The following KCTD1 variants were observed in gnomAD, a reference collection of about 807,000 sequenced individuals.
KCTD1 encodes the protein BTB/POZ domain-containing protein KCTD1.
KCTD1 carries 24 observed loss-of-function variants against 66.0 expected under a neutral mutation model. That is an observed-to-expected ratio of 0.36 (90% CI 0.26 to 0.51). KCTD1 has a LOEUF of 0.51. Among genes scored for constraint, KCTD1 ranks in the 20% least tolerant of loss-of-function variants. The pLI is 0.95. For missense variants in KCTD1, 943 were observed against 1,205.2 expected, an observed-to-expected ratio of 0.78 and a Z score of 3.22; for synonymous variants, 511 against 517.2, an observed-to-expected ratio of 0.99 and a Z score of 0.16.
At chr18:26,536,948 A>AT (rs916333510) in intron 1 of KCTD1, among the ~76,000 whole-genome samples, 121 of 151,886 alleles carry the variant, frequency 8.0e-4, no homozygotes, top group African/African-American at 2.8e-3. Flanking sequence ...CACGAGACAC[A>AT]TTCCTGGATC....
At chr18:26,538,541 G>A (rs1984818328) in intron 1 of KCTD1, among the ~76,000 whole-genome samples, 1 of 152,086 alleles carries the variant, frequency 6.6e-6, no homozygotes, top group Non-Finnish European at 1.5e-5. Context: ...CAACAGAGGG[G>A]CCCCCGGTGC....
chr18:26,467,938 TAC>T (rs1207672853), intron 3 of KCTD1, among the ~76,000 whole-genome samples: 3 of 152,128 alleles, frequency 2.0e-5, no homozygotes, highest in African/African-American at 4.8e-5. Context: ...ATGGTGGACA[TAC>T]AGACAGACCA....
chr18:26,620,947 C>T (rs1196217220), intron 1 of KCTD1, among the ~76,000 whole-genome samples: 1 of 151,784 alleles, frequency 6.6e-6, no homozygotes. Flanking sequence ...ATTCTCCTGC[C>T]TCAGCCTCCC....
At chr18:26,596,529 C>T (rs115547351) in intron 1 of KCTD1, among the ~76,000 whole-genome samples, 2,190 of 152,272 alleles carry the variant, frequency 0.014, 52 homozygotes, top group African/African-American at 0.05. Context: ...CTCATGTGTA[C>T]CTGGCAAGGG....
At chr18:26,467,123 T>A (rs1980775935) in intron 3 of KCTD1, among the ~76,000 whole-genome samples, 1 of 150,942 alleles carries the variant, frequency 6.6e-6, no homozygotes, top group Admixed American at 6.6e-5. Flanking sequence ...GGTGGGAACA[T>A]ACGGTATAGT....
upstream of KCTD1, among the ~76,000 whole-genome samples, chr18:26,629,941 T>C (rs1987582315): frequency 6.6e-6 from 1 of 152,086 alleles, no homozygotes; most frequent in Non-Finnish European, 1.5e-5. Flanking sequence ...TGGTTCTAAC[T>C]CCTGGAGCTT....
rs1354938668 is a variant in KCTD1, at chr18:26,547,438, C to A, written c.1099G>T (p.Ala367Ser). ...AAGTTCTCCTCGTCGCTGCTCTCGG[C>A]GCGCTTCTTGCTCCACGACGACGAG... ...SRSSSWSKKR[A>S]ESSDEENLPR... Residue 367 changes from alanine to serine, a missense_variant, in exon 1 of 5, where the codon GCC becomes TCC. By Grantham distance (99) the Ala-to-Ser change is moderately conservative (BLOSUM62 1). This residue lies in a region of KCTD1 where 66 missense variants were observed against 61.6 expected (regional missense o/e 1.07). Transcript: ENST00000580059. The A allele has an allele frequency of 1.3e-6, 2 of 1,551,392 alleles. No individual in the cohort carries two copies. Among genetic ancestry groups the A allele is most frequent in the South Asian group, 2.4e-5 (2 of 84,064 alleles).
chr18:26,577,404 G>A (rs1381243067), intron 1 of KCTD1, among the ~76,000 whole-genome samples: 3 of 152,128 alleles, frequency 2.0e-5, no homozygotes, highest in Non-Finnish European at 4.4e-5. Flanking sequence ...TCTTTTCAGG[G>A]TATCTTTGTT....
At chr18:26,656,607 A>G (rs1437824001) in intron 1 of KCTD1, among the ~76,000 whole-genome samples, 2 of 150,854 alleles carry the variant, frequency 1.3e-5, no homozygotes, top group Non-Finnish European at 1.5e-5. Context: ...GGCCCGGGCA[A>G]AAGGGGGAAG....
intron 1 of KCTD1, chr18:26,600,150 C>T: frequency 6.2e-7 from 1 of 1,605,648 alleles, no homozygotes. Flanking sequence ...GTAAGAACTG[C>T]ACCTGTGGCC....
At chr18:26,650,913 CTCT>C (rs1216905037) in intron 1 of KCTD1, among the ~76,000 whole-genome samples, 2 of 152,362 alleles carry the variant, frequency 1.3e-5, no homozygotes, top group Middle Eastern at 3.4e-3. Flanking sequence ...CAGTTCATAA[CTCT>C]TCTTCTTAAT....
intron 1 of KCTD1, among the ~76,000 whole-genome samples, chr18:26,610,351 T>C (rs113883551): frequency 0.2 from 30,992 of 152,140 alleles, 3,374 homozygotes; most frequent in Middle Eastern, 0.28. Context: ...GGCAGGTAGA[T>C]TGCTTGAGCC....
At chr18:26,548,855 A>T, upstream of KCTD1, 1 of 1,014,776 alleles carries the variant, frequency 9.9e-7, no homozygotes, top group Non-Finnish European at 1.2e-6. Flanking sequence ...AAAGGGAGGG[A>T]GAGCTGTCGG....
chr18:26,581,792 G>T (rs1222785833), intron 1 of KCTD1: 2 of 151,740 alleles, frequency 1.3e-5, no homozygotes, highest in Non-Finnish European at 1.5e-5. Flanking sequence ...AACACCTAGG[G>T]AGCTATATAA....
intron 1 of KCTD1, among the ~76,000 whole-genome samples, chr18:26,559,651 C>A (rs935986232): frequency 6.6e-6 from 1 of 152,124 alleles, no homozygotes; most frequent in Admixed American, 6.5e-5. Context: ...CTCTCTGGGT[C>A]AATTCAGGAG....
At chr18:26,590,188 G>T (rs1314026926) in intron 1 of KCTD1, among the ~76,000 whole-genome samples, 1 of 151,846 alleles carries the variant, frequency 6.6e-6, no homozygotes, top group African/African-American at 2.4e-5. Flanking sequence ...GGTTCAAGCA[G>T]TTCTCCTGCC....
chr18:26,639,355 C>T (rs1978852), intron 1 of KCTD1, among the ~76,000 whole-genome samples: 47,730 of 151,858 alleles, frequency 0.31, 8,678 homozygotes, highest in Non-Finnish European at 0.42. Flanking sequence ...TCAGCAGATG[C>T]GGGGCTCCCG....
intron 1 of KCTD1, among the ~76,000 whole-genome samples, chr18:26,520,756 C>A (rs1025117052): frequency 6.6e-6 from 1 of 152,202 alleles, no homozygotes; most frequent in Non-Finnish European, 1.5e-5. Flanking sequence ...ATTTATGCCT[C>A]CAAACTCCTC....
upstream of KCTD1, among the ~76,000 whole-genome samples, chr18:26,642,443 G>A (rs565343926): frequency 4.6e-5 from 7 of 152,252 alleles, no homozygotes; most frequent in South Asian, 1.5e-3. Context: ...AAGTTTAGCA[G>A]GGAAAATTTC....
Sources: gnomAD v4.1 joint callset for allele counts (sites outside exome capture counted in the v4.1 genomes callset) on GRCh38, gnomAD v4.1.1 for gene constraint, gnomAD v4.1.1 regional missense constraint, MANE v1.5 for transcripts, NCBI Gene and HGNC (gene_info 2026-07-23, HGNC 2026-07-21) for gene names.